The following MACROH2A2 variants were observed in gnomAD, a reference collection of about 807,000 sequenced individuals.
MACROH2A2 encodes the protein macroH2A.2 histone, also known as core histone macro-H2A.2.
Under a neutral mutation model 37.6 loss-of-function variants are expected in MACROH2A2, and 6 were observed. The observed-to-expected ratio is 0.16, with a 90% CI of 0.09 to 0.32. The LOEUF is 0.32. Among genes scored for constraint, MACROH2A2 ranks in the 10% least tolerant of loss-of-function variants. The pLI is 1.00. For synonymous variants in MACROH2A2, 192 were observed against 202.7 expected (o/e 0.95, Z 0.45); for missense variants, 290 against 485.9 (o/e 0.60, Z 3.79).
At chr10:70,102,155 G>A (rs539407777) in intron 7 of MACROH2A2, among the ~76,000 whole-genome samples, 19 of 152,316 alleles carry the variant, frequency 1.2e-4, no homozygotes, top group African/African-American at 4.6e-4. Flanking sequence ...CAGGAGCCAC[G>A]ACCTCAGCGT....
intron 1 of MACROH2A2, among the ~76,000 whole-genome samples, chr10:70,068,387 C>A (rs1257907260): frequency 2.0e-5 from 3 of 152,146 alleles, no homozygotes; most frequent in Admixed American, 1.3e-4. Context: ...AATAAGTATT[C>A]ATGTTCTAAC....
chr10:70,088,010 A>G (rs1325828636), intron 2 of MACROH2A2, among the ~76,000 whole-genome samples: 1 of 152,156 alleles, frequency 6.6e-6, no homozygotes, highest in East Asian at 1.9e-4. Context: ...CTTTTATTTG[A>G]AATTAGATTG....
intron 6 of MACROH2A2, 95 bp from the exon 7 acceptor site, chr10:70,100,113 G>A (rs2072298132): frequency 1.5e-6 from 1 of 653,320 alleles, no homozygotes; most frequent in Admixed American, 2.7e-5. Flanking sequence ...TTCTAACAGT[G>A]CTTTTGTTTT....
rs538791670 is a variant in MACROH2A2 at position 70,079,260 on chromosome 10, ACT to A, written c.172+3433_172+3434del. The stretch of plus-strand genomic sequence containing the variant: ...CTGATGCCTGGGTCCCACCCCCGAG[ACT>A]CTGGGGTATTTTCTGTGCATCAGGA... On this transcript the variant is annotated intron_variant, in intron 2 of 8. Transcript: ENST00000373255. 2.8e-4 allele frequency among the ~76,000 whole-genome samples: 42 copies of A among 151,212 alleles called. No homozygotes were observed. The South Asian group carries it at 8.9e-3, about 32-fold the overall frequency.
intron 2 of MACROH2A2, among the ~76,000 whole-genome samples, chr10:70,084,299 A>G (rs2072198081): frequency 6.6e-6 from 1 of 152,378 alleles, no homozygotes; most frequent in Middle Eastern, 3.4e-3. Context: ...TTAAGGGAAT[A>G]TCATTCAAAT....
rs1375640688 is a variant in MACROH2A2 at position 70,053,828 on chromosome 10, A to T, written c.-60+828A>T. ...TGGCTCCCGCTTTGCGCGGGAAAAA[A>T]TAATAATAATAAAAATATCGAAAAA... On this transcript the variant is annotated intron_variant, in intron 1 of 8. Coordinates refer to ENST00000373255, the MANE Select transcript of MACROH2A2 (RefSeq NM_018649.3). This position sits in a 1 kb window ranked among gnomAD's most constrained non-coding sequence, Gnocchi z 4.8. 6.6e-6 allele frequency among the ~76,000 whole-genome samples: 1 copy of T among 152,068 alleles called. No homozygotes were observed.
At chr10:70,054,083 T>A (rs915837581) in intron 1 of MACROH2A2, among the ~76,000 whole-genome samples, 2 of 152,170 alleles carry the variant, frequency 1.3e-5, no homozygotes, top group Non-Finnish European at 2.9e-5. Flanking sequence ...CCCTCTTTGT[T>A]CCTTACAACA....
intron 2 of MACROH2A2, among the ~76,000 whole-genome samples, chr10:70,084,715 C>A (rs2072200561): frequency 6.6e-6 from 1 of 152,118 alleles, no homozygotes; most frequent in Non-Finnish European, 1.5e-5. Flanking sequence ...AATCCTCCTG[C>A]CTTAGCCCCC....
chr10:70,088,456 G>A (rs1363351427), intron 2 of MACROH2A2, among the ~76,000 whole-genome samples: 2 of 152,160 alleles, frequency 1.3e-5, no homozygotes, highest in African/African-American at 2.4e-5. Context: ...GAAAAATAAC[G>A]AAATAAAACA....
chr10:70,074,893 T>C (rs546027922), intron 1 of MACROH2A2, among the ~76,000 whole-genome samples: 27 of 152,308 alleles, frequency 1.8e-4, no homozygotes, highest in African/African-American at 6.3e-4. Context: ...ACACTAACCA[T>C]TATAATGGGC....
chr10:70,101,572 C>T (rs60327242), intron 7 of MACROH2A2, among the ~76,000 whole-genome samples: 24,094 of 152,150 alleles, frequency 0.16, 2,281 homozygotes, highest in African/African-American at 0.26. Context: ...TTTTACATTA[C>T]GTCAGACATG....
intron 1 of MACROH2A2, among the ~76,000 whole-genome samples, chr10:70,056,186 C>T (rs781681627): frequency 6.6e-6 from 1 of 152,188 alleles, no homozygotes; most frequent in Non-Finnish European, 1.5e-5. Context: ...TTAGCCATAT[C>T]ATTATTGATA....
chr10:70,081,317 C>T lies in MACROH2A2; in HGVS notation c.172+5487C>T, dbSNP rs78996872. ...CTATTGCTCTTATTGAGTGAAGACCCCCTAGGTGTGTCGGGAGCTCAGGAG... is the reference window on the plus strand; with the variant it reads ...CTATTGCTCTTATTGAGTGAAGACCTCCTAGGTGTGTCGGGAGCTCAGGAG... On this transcript the variant is annotated intron_variant, in intron 2 of 8. Coordinates refer to ENST00000373255, the MANE Select transcript of MACROH2A2 (RefSeq NM_018649.3). Among the ~76,000 whole-genome samples the T allele has an allele frequency of 6.0e-3, 910 of 152,080 alleles. 10 individuals carry two copies. The highest frequency in any genetic ancestry group is 0.021 in the African/African-American group (854 of 41,470).
Position 70,100,446 on chromosome 10 carries a change from G to C in MACROH2A2, c.778+149G>C, listed in dbSNP as rs1422634528. 5 of 590,472 alleles carry C rather than the reference G, an allele frequency of 8.5e-6. No individual in the cohort carries two copies. In the East Asian group the frequency reaches 1.4e-4, roughly 17 times the overall value. The allele number at this position is 590,472 out of a possible 1,614,324, so 36.6% of individuals were successfully genotyped here. A position where few individuals can be genotyped will look rare whatever the true frequency, so the allele number is the denominator to read the frequency against. ...CTGTTTTAGCATCTCAGGTAATTTG[G>C]GCAGGCCCATAGAGATCCTTTCAGA... On this transcript the variant is annotated intron_variant, in intron 7 of 8. Coordinates refer to ENST00000373255, the MANE Select transcript of MACROH2A2 (RefSeq NM_018649.3).
intron 2 of MACROH2A2, among the ~76,000 whole-genome samples, chr10:70,079,585 A>ACACG (rs1168236233): frequency 6.6e-6 from 1 of 151,608 alleles, no homozygotes; most frequent in Non-Finnish European, 1.5e-5. Context: ...ACACACACAC[A>ACACG]CACACACACA....
chr10:70,093,462 G>A (rs550582562), intron 4 of MACROH2A2, among the ~76,000 whole-genome samples: 1 of 152,232 alleles, frequency 6.6e-6, no homozygotes, highest in Admixed American at 6.5e-5. Context: ...GCATTGAAAT[G>A]AGCAAGGACA....
intron 6 of MACROH2A2, chr10:70,098,407 GAGAAAGGA>G (rs2072288000): frequency 6.6e-6 from 1 of 151,508 alleles, no homozygotes; most frequent in Admixed American, 6.6e-5. Context: ...GAGGGGGAGA[GAGAAAGGA>G]AGAAAGGAAA....
chr10:70,067,997 T>C (rs2072088621), intron 1 of MACROH2A2, among the ~76,000 whole-genome samples: 1 of 152,036 alleles, frequency 6.6e-6, no homozygotes, highest in African/African-American at 2.4e-5. Flanking sequence ...GTTTTGGAGG[T>C]AGCCACCAGA....
In MACROH2A2 at chr10:70,081,484, G is replaced by A. The variant is rs182461684; in HGVS notation, c.172+5654G>A. 4.6e-5 allele frequency among the ~76,000 whole-genome samples: 7 copies of A among 152,222 alleles called. No individual in the cohort carries two copies. The East Asian group carries it at 7.7e-4, about 17-fold the overall frequency. ...AGAGGGGGAAAGGATGGCAAAGGAGGCTGAGGAAAGCCAGAGGGTAAGGAG... is the reference window on the plus strand; with the variant it reads ...AGAGGGGGAAAGGATGGCAAAGGAGACTGAGGAAAGCCAGAGGGTAAGGAG... On this transcript the variant is annotated intron_variant, in intron 2 of 8. Coordinates refer to ENST00000373255, the MANE Select transcript of MACROH2A2 (RefSeq NM_018649.3).
Sources: gnomAD v4.1 joint callset for allele counts (sites outside exome capture counted in the v4.1 genomes callset) on GRCh38, gnomAD v4.1.1 for gene constraint, Gnocchi (gnomAD v3.1) non-coding constraint, MANE v1.5 for transcripts, NCBI Gene and HGNC (gene_info 2026-07-23, HGNC 2026-07-21) for gene names.